MAP4K3: variants seen among roughly 807,000 people sequenced by gnomAD.
MAP4K3 encodes mitogen-activated protein kinase kinase kinase kinase 3.
In MAP4K3, 94 loss-of-function variants were observed where a neutral mutation model predicts 143.5. That is an observed-to-expected ratio of 0.65 (90% CI 0.55 to 0.78). The LOEUF is 0.78. Among genes scored for constraint, MAP4K3 ranks in the 30% least tolerant of loss-of-function variants. MAP4K3 has a pLI of 0.00. For synonymous variants in MAP4K3, 416 were observed against 347.2 expected, an observed-to-expected ratio of 1.20 and a Z score of -2.20; for missense variants, 1,077 against 1,068.1, an observed-to-expected ratio of 1.01 and a Z score of -0.12.
chr2:39,326,439 G>T (rs1275538923), intron 8 of MAP4K3, among the ~76,000 whole-genome samples, 162 bp from the exon 9 acceptor site: 2 of 152,002 alleles, frequency 1.3e-5, no homozygotes, highest in Non-Finnish European at 2.9e-5. Flanking sequence ...CCTTTTCCAA[G>T]ATCTTGACAT....
rs546299283 is a variant in MAP4K3 at position 39,420,575 on chromosome 2, C to G, written c.96+16317G>C. 5.1e-3 allele frequency among the ~76,000 whole-genome samples: 774 copies of G among 151,494 alleles called. 7 individuals carry two copies. Among genetic ancestry groups the G allele is most frequent in the African/African-American group, 0.018 (742 of 41,326 alleles). ...AGGACTACAGGCATGTGCCACCATG[C>G]CTGGCTTTTTTTTTTTTTTAAGAGA... On this transcript the variant is annotated intron_variant, in intron 1 of 33. Transcript: ENST00000263881.
In MAP4K3 at chr2:39,305,338, G is replaced by C. The variant is rs532452880; in HGVS notation, c.1119+2605C>G. ...ATATATACTGATGATGTTGGGTAGA[G>C]GCAACACAGTACAGTGGTTTAGTTT... On this transcript the variant is annotated intron_variant, in intron 15 of 33. Coordinates refer to ENST00000263881, the MANE Select transcript of MAP4K3 (RefSeq NM_003618.4). Among the ~76,000 whole-genome samples the C allele has an allele frequency of 2.0e-5, 3 of 152,286 alleles. No homozygotes were observed. The South Asian group carries it at 6.2e-4, about 32-fold the overall frequency.
chr2:39,333,782 G>T (rs1259467636), intron 6 of MAP4K3, among the ~76,000 whole-genome samples: 2 of 151,950 alleles, frequency 1.3e-5, no homozygotes, highest in East Asian at 3.9e-4. Context: ...AAAATGTTCT[G>T]CCTTGCAAAA....
chr2:39,429,862 A>G (rs1299033557), intron 1 of MAP4K3, among the ~76,000 whole-genome samples: 1 of 152,226 alleles, frequency 6.6e-6, no homozygotes, highest in Non-Finnish European at 1.5e-5. Context: ...TGGTGAAAGT[A>G]TAGACATACA....
intron 1 of MAP4K3, among the ~76,000 whole-genome samples, chr2:39,385,682 T>G (rs897318780): frequency 6.7e-6 from 1 of 148,916 alleles, no homozygotes; most frequent in African/African-American, 2.5e-5. Context: ...CAGGCTAGGG[T>G]GCAATGGCGC....
chr2:39,331,696 A>G (rs1213054926), intron 8 of MAP4K3, among the ~76,000 whole-genome samples: 5 of 152,132 alleles, frequency 3.3e-5, no homozygotes, highest in Admixed American at 1.3e-4. Context: ...TCTGAAAGCC[A>G]TATCAATCAT....
intron 1 of MAP4K3, among the ~76,000 whole-genome samples, chr2:39,419,914 T>C (rs959072398): frequency 2.0e-5 from 3 of 152,196 alleles, no homozygotes; most frequent in African/African-American, 7.2e-5. Context: ...GAGCACAGGA[T>C]GGGGACAGGC....
At chr2:39,326,726 AG>A (rs1558648329) in intron 8 of MAP4K3, among the ~76,000 whole-genome samples, 1 of 152,024 alleles carries the variant, frequency 6.6e-6, no homozygotes, top group Non-Finnish European at 1.5e-5. Context: ...GTGTTGAGGG[AG>A]GGGCCTCGTA....
At chr2:39,430,965 G>C (rs1461168706) in intron 1 of MAP4K3, among the ~76,000 whole-genome samples, 1 of 151,984 alleles carries the variant, frequency 6.6e-6, no homozygotes, top group Admixed American at 6.6e-5. Flanking sequence ...CTCTCGTGTT[G>C]GTTCATTTAT....
intron 8 of MAP4K3, among the ~76,000 whole-genome samples, chr2:39,330,727 T>C (rs1396520198): frequency 6.6e-6 from 1 of 152,158 alleles, no homozygotes; most frequent in Non-Finnish European, 1.5e-5. Flanking sequence ...TAGAAAATTA[T>C]ACAGAGGCAT....
At chr2:39,316,099 G>C (rs1005397441) in intron 12 of MAP4K3, among the ~76,000 whole-genome samples, 2 of 151,510 alleles carry the variant, frequency 1.3e-5, no homozygotes, top group African/African-American at 4.8e-5. Flanking sequence ...GTTTCTCTTG[G>C]TTATAGATGT....
At chr2:39,357,447 G>C (rs1665644057) in intron 2 of MAP4K3, among the ~76,000 whole-genome samples, 1 of 152,132 alleles carries the variant, frequency 6.6e-6, no homozygotes. Flanking sequence ...GACATTTCTG[G>C]CCTTGGCATT....
intron 28 of MAP4K3, 60 bp downstream of exon 28, chr2:39,265,143 G>T: frequency 9.1e-7 from 1 of 1,096,412 alleles, no homozygotes; most frequent in Non-Finnish European, 1.4e-6. Context: ...TTTCTTTAAA[G>T]AACAGTAAGG....
intron 1 of MAP4K3, among the ~76,000 whole-genome samples, chr2:39,391,593 C>T (rs1298241859): frequency 6.6e-6 from 1 of 152,198 alleles, no homozygotes; most frequent in East Asian, 1.9e-4. Flanking sequence ...CTTAAGTAAA[C>T]ACTGTCTATT....
In MAP4K3 at chr2:39,326,248, C is replaced by T. The variant is rs1371450628; in HGVS notation, c.560G>A (p.Arg187Lys). The part of the protein sequence containing the change: ...WMAPEVAAVE[R>K]KGGYNQLCDL... ...ACAGAGTTGATTGTAACCCCCCTTC[C>T]TCTCAACAGCTGCAACTTCTGGAGC... The change falls in exon 9 of 34, where the codon AGG becomes AAG. Residue 187 changes from arginine (R) to lysine (K), a missense_variant. Physicochemically the swap from Arg to Lys is conservative, Grantham distance 26. Coordinates refer to ENST00000263881, the MANE Select transcript of MAP4K3 (RefSeq NM_003618.4). The T allele has an allele frequency of 2.5e-6, 4 of 1,613,778 alleles. No individual in the cohort carries two copies. Among genetic ancestry groups the T allele is most frequent in the African/African-American group, 1.3e-5 (1 of 74,898 alleles).
chr2:39,350,798 T>A (rs1665432446), intron 3 of MAP4K3, among the ~76,000 whole-genome samples: 1 of 152,114 alleles, frequency 6.6e-6, no homozygotes, highest in African/African-American at 2.4e-5. Context: ...GTCCCTTAGG[T>A]CCTAATTAAG....
At chr2:39,322,488 T>C (rs1310164997) in intron 12 of MAP4K3, among the ~76,000 whole-genome samples, 1 of 151,960 alleles carries the variant, frequency 6.6e-6, no homozygotes, top group Non-Finnish European at 1.5e-5. Flanking sequence ...AGTGTGTAAT[T>C]ACTTCTAAAA....
intron 22 of MAP4K3, 29 bp downstream of exon 22, chr2:39,282,484 A>G: frequency 6.3e-7 from 1 of 1,588,544 alleles, no homozygotes; most frequent in South Asian, 1.1e-5. Flanking sequence ...TTAGCTTGAA[A>G]CTTAGCCTAC....
intron 13 of MAP4K3, among the ~76,000 whole-genome samples, chr2:39,310,308 T>C (rs1348070788): frequency 1.3e-5 from 2 of 152,182 alleles, no homozygotes; most frequent in Admixed American, 6.5e-5. Flanking sequence ...CTCCATGAGA[T>C]CAACTTTTTT....
Sources: allele counts gnomAD v4.1 joint callset (sites outside exome capture counted in the v4.1 genomes callset), GRCh38; gene constraint gnomAD v4.1.1; transcripts MANE v1.5; gene names NCBI Gene and HGNC (gene_info 2026-07-23, HGNC 2026-07-21).